Variants in PEAK1 observed in about 807,000 individuals in gnomAD.
The protein encoded by PEAK1 is inactive tyrosine-protein kinase PEAK1.
Under a neutral mutation model 124.7 loss-of-function variants are expected in PEAK1, and 54 were observed. That is an observed-to-expected ratio of 0.43 (90% CI 0.35 to 0.54). The LOEUF (loss-of-function observed/expected upper bound fraction) is 0.54, where lower values mean the gene tolerates loss of function less well. Among genes scored for constraint, PEAK1 ranks in the 20% least tolerant of loss-of-function variants. The pLI, the probability that PEAK1 is intolerant of heterozygous loss-of-function variation, is 0.01. For synonymous variants in PEAK1, 719 were observed against 760.0 expected (o/e 0.95, Z 0.89); for missense variants, 2,046 against 2,134.5 (o/e 0.96, Z 0.82).
At chr15:77,151,081 T>C (rs2152770140) in intron 8 of PEAK1, among the ~76,000 whole-genome samples, 1 of 152,330 alleles carries the variant, frequency 6.6e-6, no homozygotes, top group South Asian at 2.1e-4. Flanking sequence ...GCCTGAGGCA[T>C]CGCCACACTG....
chr15:77,313,738 A>ATATATATT (rs1555478198), intron 2 of PEAK1, among the ~76,000 whole-genome samples: 30 of 143,644 alleles, frequency 2.1e-4, no homozygotes, highest in South Asian at 4.3e-4. Context: ...ATATATATAT[A>ATATATATT]TATTTATTTA....
At chr15:77,239,344 C>A (rs928653928) in intron 6 of PEAK1, among the ~76,000 whole-genome samples, 1 of 151,912 alleles carries the variant, frequency 6.6e-6, no homozygotes, top group African/African-American at 2.4e-5. Flanking sequence ...TTTAATTGAA[C>A]AAGGGTAAGA....
intron 1 of PEAK1, chr15:77,403,220 G>T (rs1032726982): frequency 2.0e-6 from 2 of 985,108 alleles, no homozygotes; most frequent in African/African-American, 3.5e-5. Flanking sequence ...CTGCTGATTG[G>T]GTATGGTGAA....
intron 2 of PEAK1, among the ~76,000 whole-genome samples, chr15:77,338,600 C>T (rs950222964): frequency 6.8e-6 from 1 of 146,272 alleles, no homozygotes; most frequent in African/African-American, 2.5e-5. Context: ...ATTGTATATA[C>T]ATTCTAAAAA....
intron 2 of PEAK1, among the ~76,000 whole-genome samples, chr15:77,330,031 A>C (rs1466477749): frequency 6.6e-6 from 1 of 152,194 alleles, no homozygotes; most frequent in Non-Finnish European, 1.5e-5. Flanking sequence ...AAAATTCTTA[A>C]AATTTTAAAT....
At chr15:77,157,893 A>C (rs1034389566) in intron 8 of PEAK1, 14 of 152,332 alleles carry the variant, frequency 9.2e-5, no homozygotes, top group African/African-American at 3.4e-4. Flanking sequence ...TGTTTTAAAA[A>C]ACAAATCTAA....
chr15:77,289,110 C>T (rs1190376179), intron 2 of PEAK1, among the ~76,000 whole-genome samples: 1 of 152,022 alleles, frequency 6.6e-6, no homozygotes, highest in South Asian at 2.1e-4. Flanking sequence ...CACCAAAGAC[C>T]TTCAAATATT....
chr15:77,207,712 T>G (rs2058727068), intron 6 of PEAK1, among the ~76,000 whole-genome samples: 2 of 152,042 alleles, frequency 1.3e-5, no homozygotes, highest in African/African-American at 4.8e-5. Flanking sequence ...GAGGGGAATT[T>G]TAGGGCAGTG....
At chr15:77,251,723 G>A (rs942051384) in intron 6 of PEAK1, among the ~76,000 whole-genome samples, 3 of 152,136 alleles carry the variant, frequency 2.0e-5, no homozygotes, top group African/African-American at 4.8e-5. Context: ...TGTCAGGGGG[G>A]ACAGCAGCCT....
At chr15:77,371,199 T>G (rs2068616472) in intron 1 of PEAK1, 1 of 984,014 alleles carries the variant, frequency 1.0e-6, no homozygotes, top group East Asian at 1.1e-4. Flanking sequence ...CTAAGTAATT[T>G]TATTCTATGG....
At chr15:77,261,225 C>T (rs2061421989) in intron 5 of PEAK1, among the ~76,000 whole-genome samples, 1 of 152,218 alleles carries the variant, frequency 6.6e-6, no homozygotes, top group African/African-American at 2.4e-5. Context: ...CTCTCCTCCT[C>T]CAAAGGAATG....
chr15:77,212,568 C>CA lies in PEAK1; in HGVS notation c.-114-30529dup, dbSNP rs2058953143. On this transcript the variant is annotated intron_variant, in intron 6 of 9. Transcript: ENST00000682557. ...TGGACTCAACAAGACAAAATACAGA[C>CA]ATACCGGAGACTCATAACAGAATTT... Among the ~76,000 whole-genome samples the CA allele has an allele frequency of 2.6e-5, 4 of 152,274 alleles. No individual in the cohort carries two copies. In the South Asian group the frequency reaches 8.3e-4, roughly 32 times the overall value.
At chr15:77,282,580 C>G (rs1361993913) in intron 5 of PEAK1, among the ~76,000 whole-genome samples, 3 of 152,120 alleles carry the variant, frequency 2.0e-5, no homozygotes, top group Admixed American at 6.6e-5. Context: ...GACTCTAGAT[C>G]AGGAATTCTT....
chr15:77,402,980 T>C (rs2071501959), intron 1 of PEAK1: 1 of 985,296 alleles, frequency 1.0e-6, no homozygotes, highest in Non-Finnish European at 1.2e-6. Context: ...TGGGTAGACA[T>C]TATTTGCTCT....
chr15:77,248,762 C>G (rs2060708050), intron 6 of PEAK1, among the ~76,000 whole-genome samples: 1 of 152,162 alleles, frequency 6.6e-6, no homozygotes, highest in Admixed American at 6.5e-5. Flanking sequence ...CTCAATGTTT[C>G]ATATATAGTA....
chr15:77,177,587 CTA>C (rs1037032088), intron 7 of PEAK1, among the ~76,000 whole-genome samples: 1 of 151,756 alleles, frequency 6.6e-6, no homozygotes, highest in African/African-American at 2.4e-5. Context: ...TCAGAATTTG[CTA>C]TGTTTGTAAG....
intron 8 of PEAK1, among the ~76,000 whole-genome samples, chr15:77,150,903 A>G (rs543261547): frequency 5.5e-4 from 83 of 152,172 alleles, no homozygotes; most frequent in African/African-American, 2.0e-3. Context: ...TTCTTAATCC[A>G]ATCTATTGTT....
chr15:77,170,316 C>A lies in PEAK1; in HGVS notation c.3137+8474G>T, dbSNP rs533045920. 2.6e-5 allele frequency among the ~76,000 whole-genome samples: 4 copies of A among 151,736 alleles called. No homozygotes were observed. In the South Asian group the frequency reaches 8.4e-4, roughly 32 times the overall value. The stretch of plus-strand genomic sequence containing the variant: ...AATAAAATGAAAAAAAAAGAGAGGA[C>A]CAATTTTAAGATAGTCCCAATTAAA... On this transcript the variant is annotated intron_variant, in intron 7 of 9. Coordinates refer to ENST00000682557, the MANE Select transcript of PEAK1 (RefSeq NM_001385026.1).
Position 77,115,051 on chromosome 15 carries a change from C to T in PEAK1, c.4346G>A (p.Gly1449Glu), listed in dbSNP as rs2051235752. The T allele has an allele frequency of 6.2e-7, 1 of 1,614,018 alleles. No individual in the cohort carries two copies. The highest frequency in any genetic ancestry group is 1.3e-5 in the African/African-American group (1 of 74,894). ...GCTCCTCTGCTTCTTGCTCATGACT[C>T]CCTGATTCTCTTTCTGGGATGATGC... is the stretch of plus-strand genomic sequence containing the variant. ...EAASSQKENQ[G>E]VMSKKQRSHV... Residue 1449 changes from glycine to glutamate, a missense_variant, in exon 10 of 10, where the codon GGA becomes GAA. Coordinates refer to ENST00000682557, the MANE Select transcript of PEAK1 (RefSeq NM_001385026.1).
Sources: allele counts gnomAD v4.1 joint callset (sites outside exome capture counted in the v4.1 genomes callset), GRCh38; gene constraint gnomAD v4.1.1; transcripts MANE v1.5; gene names NCBI Gene and HGNC (gene_info 2026-07-23, HGNC 2026-07-21).